The following PCCA variants were observed in gnomAD, a reference collection of about 807,000 sequenced individuals.
PCCA encodes the protein propionyl-CoA carboxylase alpha chain, mitochondrial.
PCCA carries 74 observed loss-of-function variants against 101.3 expected under a neutral mutation model. The ratio of observed to expected loss-of-function variants is 0.73; its 90% confidence interval spans 0.61 to 0.89. The LOEUF is 0.89. Ranked by LOEUF, PCCA falls within the 40% of genes least tolerant of loss-of-function variation. The pLI, the probability that PCCA is intolerant of heterozygous loss-of-function variation, is 0.00. For synonymous variants in PCCA, 294 were observed against 313.6 expected (o/e 0.94, Z 0.66); for missense variants, 891 against 907.0 (o/e 0.98, Z 0.23).
chr13:100,362,517 T>A (rs574717768), intron 18 of PCCA, among the ~76,000 whole-genome samples: 30 of 152,250 alleles, frequency 2.0e-4, no homozygotes, highest in African/African-American at 7.2e-4. Context: ...AAGTTGTGGA[T>A]GGAGGTCACA....
At chr13:100,117,966 A>G (rs571556281) in intron 4 of PCCA, among the ~76,000 whole-genome samples, 1 of 151,982 alleles carries the variant, frequency 6.6e-6, no homozygotes, top group East Asian at 1.9e-4. Context: ...AATACAAAAA[A>G]TTAGCCAGGC....
chr13:100,354,084 A>AATAATG (rs1555430890), intron 18 of PCCA, among the ~76,000 whole-genome samples: 1 of 118,506 alleles, frequency 8.4e-6, no homozygotes, highest in African/African-American at 3.0e-5. Flanking sequence ...AAATAATAAT[A>AATAATG]ATAATAATAA....
chr13:100,175,229 C>T (rs1594541972), intron 6 of PCCA, among the ~76,000 whole-genome samples: 1 of 152,164 alleles, frequency 6.6e-6, no homozygotes, highest in South Asian at 2.1e-4. Context: ...GTTTGTTGAT[C>T]GAATTAATGA....
intron 13 of PCCA, among the ~76,000 whole-genome samples, chr13:100,302,205 A>G (rs1417266886): frequency 6.6e-6 from 1 of 152,194 alleles, no homozygotes; most frequent in Non-Finnish European, 1.5e-5. Flanking sequence ...TCAAATGACT[A>G]AAACAAGAAT....
chr13:100,449,206 G>A (rs1372798495), intron 20 of PCCA, 46 bp from the exon 21 acceptor site: 4 of 1,199,808 alleles, frequency 3.3e-6, no homozygotes, highest in Non-Finnish European at 4.8e-6. Flanking sequence ...TTACATACAA[G>A]CTGTGCAGAT....
chr13:100,479,041 C>T (rs1410680135), intron 21 of PCCA, among the ~76,000 whole-genome samples: 2 of 152,154 alleles, frequency 1.3e-5, no homozygotes, highest in African/African-American at 2.4e-5. Flanking sequence ...ACACAATAAT[C>T]CCACTTATTC....
rs147878785 is a variant in PCCA at position 100,405,356 on chromosome 13, T to C, written c.1747-20277T>C. On this transcript the variant is annotated intron_variant, in intron 19 of 23. Transcript: ENST00000376285. Reference sequence around the variant, plus strand: ...GCTGCAGCCAGAGATTGCTGGTTGGTTTACAGGAACAAGCAGGGTTAGTCT... The same window carrying C: ...GCTGCAGCCAGAGATTGCTGGTTGGCTTACAGGAACAAGCAGGGTTAGTCT... 3.7e-4 allele frequency among the ~76,000 whole-genome samples: 57 copies of C among 152,248 alleles called. 1 individual carries two copies. The East Asian group carries it at 0.011, about 29-fold the overall frequency.
At chr13:100,265,406 T>C (rs2062858784) in intron 10 of PCCA, among the ~76,000 whole-genome samples, 1 of 152,228 alleles carries the variant, frequency 6.6e-6, no homozygotes, top group Non-Finnish European at 1.5e-5. Flanking sequence ...ACTTCGTCAT[T>C]GTCTTAACTA....
intron 1 of PCCA, among the ~76,000 whole-genome samples, chr13:100,090,958 G>A (rs2152200638): frequency 6.8e-6 from 1 of 146,762 alleles, no homozygotes; most frequent in East Asian, 2.0e-4. Context: ...ATTGAGACAA[G>A]TTTTGAAGGA....
At chr13:100,517,552 A>G (rs572053478) in intron 22 of PCCA, among the ~76,000 whole-genome samples, 3 of 152,218 alleles carry the variant, frequency 2.0e-5, no homozygotes, top group Non-Finnish European at 4.4e-5. Context: ...ACGGCAGAGC[A>G]ACGGGGCCTA....
chr13:100,403,645 C>T (rs1450071436), intron 19 of PCCA, among the ~76,000 whole-genome samples: 1 of 152,072 alleles, frequency 6.6e-6, no homozygotes, highest in Non-Finnish European at 1.5e-5. Context: ...GGATGGGGTT[C>T]TTTGTCCCAT....
intron 20 of PCCA, among the ~76,000 whole-genome samples, chr13:100,439,532 T>A (rs1212488442): frequency 6.6e-6 from 1 of 152,172 alleles, no homozygotes; most frequent in South Asian, 2.1e-4. Context: ...ATTTTATTTT[T>A]TTACTATGTC....
intron 14 of PCCA, chr13:100,305,870 AT>A: frequency 2.4e-6 from 1 of 420,584 alleles, no homozygotes. Flanking sequence ...TATAATTAAG[AT>A]TTTTGTATAT....
At chr13:100,106,865 T>C (rs1252080903) in intron 2 of PCCA, among the ~76,000 whole-genome samples, 2 of 152,174 alleles carry the variant, frequency 1.3e-5, no homozygotes, top group Non-Finnish European at 2.9e-5. Context: ...TTGCCTAAGG[T>C]GACTGTGGAG....
intron 10 of PCCA, among the ~76,000 whole-genome samples, chr13:100,263,820 CATATATATG>C (rs1566821666): frequency 1.8e-4 from 21 of 114,350 alleles, no homozygotes; most frequent in South Asian, 2.4e-4. Context: ...ATCTGTATAT[CATATATATG>C]GTATCTGTAT....
At chr13:100,375,998 T>C (rs942098268) in intron 19 of PCCA, among the ~76,000 whole-genome samples, 2 of 152,234 alleles carry the variant, frequency 1.3e-5, no homozygotes, top group African/African-American at 4.8e-5. Flanking sequence ...TTGTCTTTGA[T>C]GTTGGTGACC....
intron 21 of PCCA, chr13:100,491,320 G>T (rs2084891446): frequency 6.0e-6 from 1 of 167,344 alleles, no homozygotes; most frequent in Non-Finnish European, 1.3e-5. Flanking sequence ...TGCGTATTTT[G>T]TGTGTGTGCG....
At position 100,394,721 on chromosome 13, in the gene PCCA, G is replaced by A. The variant is rs1336936059; in HGVS notation, c.1746+26147G>A. 1.3e-5 allele frequency among the ~76,000 whole-genome samples: 2 copies of A among 152,074 alleles called. No homozygotes were observed. The highest frequency in any genetic ancestry group is 2.9e-5 in the Non-Finnish European group (2 of 68,024). Reference sequence around the variant, plus strand: ...GTCAGGTCTGCTTCTCAATAAATATGTTGAAAGAATGAAATATATCCTTCA... The same window carrying A: ...GTCAGGTCTGCTTCTCAATAAATATATTGAAAGAATGAAATATATCCTTCA... On this transcript the variant is annotated intron_variant, in intron 19 of 23. Coordinates refer to ENST00000376285, the MANE Select transcript of PCCA (RefSeq NM_000282.4). The surrounding 1 kb of genome is among the most constrained non-coding windows in gnomAD (Gnocchi z 4.3).
chr13:100,266,138 A>G (rs556383144), intron 10 of PCCA, among the ~76,000 whole-genome samples: 1 of 152,316 alleles, frequency 6.6e-6, no homozygotes, highest in South Asian at 2.1e-4. Context: ...ACTTGTTCAC[A>G]CTACTGGAAG....
Sources: allele counts gnomAD v4.1 joint callset (sites outside exome capture counted in the v4.1 genomes callset), GRCh38; gene constraint gnomAD v4.1.1; non-coding constraint Gnocchi (gnomAD v3.1); transcripts MANE v1.5; gene names NCBI Gene and HGNC (gene_info 2026-07-23, HGNC 2026-07-21).